Variants in TF observed in about 807,000 individuals in gnomAD.
TF encodes transferrin.
In TF, 55 loss-of-function variants were observed where a neutral mutation model predicts 82.4. The observed-to-expected ratio is 0.67, with a 90% CI of 0.54 to 0.84. The LOEUF (loss-of-function observed/expected upper bound fraction) is 0.84. TF is among the 40% of genes least tolerant of loss of function. The pLI, the probability that TF is intolerant of heterozygous loss-of-function variation, is 0.00. For missense variants in TF, 737 were observed against 868.4 expected, an observed-to-expected ratio of 0.85 and a Z score of 1.90; for synonymous variants, 332 against 332.6, an observed-to-expected ratio of 1.00 and a Z score of 0.02.
chr3:133,758,945 G>A (rs951581446), intron 8 of TF, among the ~76,000 whole-genome samples: 8 of 152,200 alleles, frequency 5.3e-5, no homozygotes, highest in Admixed American at 3.3e-4. Context: ...CCCAGAGGCT[G>A]GAGAGGAAAG....
the TF span, among the ~76,000 whole-genome samples, chr3:133,681,537 C>T: frequency 7.2e-5 from 11 of 152,340 alleles, no homozygotes; most frequent in East Asian, 1.4e-3. Context: ...TAGCAAACGG[C>T]ACACCAGGAG....
At chr3:133,742,668 G>T (rs1481877724), upstream of TF, among the ~76,000 whole-genome samples, 1 of 152,174 alleles carries the variant, frequency 6.6e-6, no homozygotes, top group Non-Finnish European at 1.5e-5. Flanking sequence ...CAGACTTAGA[G>T]AAGTCTCTGG....
chr3:133,753,190 T>A (rs1559869016), intron 2 of TF, among the ~76,000 whole-genome samples: 1 of 152,196 alleles, frequency 6.6e-6, no homozygotes, highest in Non-Finnish European at 1.5e-5. Context: ...CCAAGAGAGC[T>A]GTGTCCTTGA....
At chr3:133,725,540 C>G in the TF span, among the ~76,000 whole-genome samples, 14 of 152,146 alleles carry the variant, frequency 9.2e-5, no homozygotes, top group Admixed American at 8.5e-4. Context: ...TGCTTATCAG[C>G]TTAAGGAGAT....
At chr3:133,724,599 G>A in the TF span, among the ~76,000 whole-genome samples, 1 of 152,076 alleles carries the variant, frequency 6.6e-6, no homozygotes, top group South Asian at 2.1e-4. Context: ...CTCCCATTTT[G>A]TAGGCTGCCT....
chr3:133,768,840 T>G (rs1365123077), intron 13 of TF, among the ~76,000 whole-genome samples: 1 of 142,326 alleles, frequency 7.0e-6, no homozygotes, highest in East Asian at 2.1e-4. Context: ...TTGCCCAGGC[T>G]GGAGTGTAGT....
At chr3:133,664,381 G>A in the TF span, among the ~76,000 whole-genome samples, 1 of 151,988 alleles carries the variant, frequency 6.6e-6, no homozygotes, top group East Asian at 1.9e-4. Flanking sequence ...GAGTGCAGTT[G>A]GCACAATGTC....
At chr3:133,723,178 G>T in the TF span, among the ~76,000 whole-genome samples, 8 of 152,058 alleles carry the variant, frequency 5.3e-5, no homozygotes, top group African/African-American at 9.7e-5. Flanking sequence ...GATGTGACTT[G>T]TCACTCTTCT....
Position 133,775,621 on chromosome 3 carries a change from T to TCTGTTGGGA in TF, c.1872+4_1872+5insCTGTTGGGA, listed in dbSNP as rs1333615038. On this transcript the variant is annotated splice_donor_region_variant and intron_variant, in intron 15 of 16. Coordinates refer to ENST00000402696, the MANE Select transcript of TF (RefSeq NM_001063.4). ...CAAGATATTACGTCAACAGCAGGTA[T>TCTGTTGGGA]GGACCAGCCAGGTCCTCCCACCTTT... The TCTGTTGGGA allele has an allele frequency of 1.2e-6, 2 of 1,613,830 alleles. No individual in the cohort carries two copies. Among genetic ancestry groups the TCTGTTGGGA allele is most frequent in the Non-Finnish European group, 1.7e-6 (2 of 1,179,978 alleles).
At chr3:133,742,921 T>G (rs138787502), upstream of TF, among the ~76,000 whole-genome samples, 215 of 152,372 alleles carry the variant, frequency 1.4e-3, 4 homozygotes, top group East Asian at 0.031. Context: ...AGTTTTGCCC[T>G]GTTTGCGGTG....
At chr3:133,763,087 A>T (rs1307000424) in intron 9 of TF, among the ~76,000 whole-genome samples, 2 of 152,198 alleles carry the variant, frequency 1.3e-5, no homozygotes, top group Non-Finnish European at 2.9e-5. Context: ...TTGTCAGTAT[A>T]AGGAGTTTTC....
At chr3:133,693,569 A>G in the TF span, among the ~76,000 whole-genome samples, 43 of 152,236 alleles carry the variant, frequency 2.8e-4, no homozygotes, top group Admixed American at 7.2e-4. Context: ...AGCTCTGGCC[A>G]TGCTTTGCCC....
Position 133,796,542 on chromosome 3 carries a change from A to G in TF, c.*17922A>G, listed in dbSNP as rs1416259826. ...CCTCTAGAGGGTATTTAAACCCCAGAAAATTCTGTAACCGGGCTATTGAGC... is the reference window on the plus strand; with the variant it reads ...CCTCTAGAGGGTATTTAAACCCCAGGAAATTCTGTAACCGGGCTATTGAGC... On this transcript the variant is annotated 3_prime_UTR_variant, in exon 17 of 17. Coordinates refer to ENST00000402696, the MANE Select transcript of TF (RefSeq NM_001063.4). The G allele has an allele frequency of 1.3e-5, 2 of 152,248 alleles. No homozygotes were observed. Among genetic ancestry groups the G allele is most frequent in the African/African-American group, 4.8e-5 (2 of 41,460 alleles). 9.4% of individuals were successfully genotyped at this position (152,248 alleles called of 1,614,324 possible).
chr3:133,696,843 G>C, the TF span, among the ~76,000 whole-genome samples: 1 of 148,182 alleles, frequency 6.7e-6, no homozygotes, highest in Admixed American at 6.7e-5. Context: ...TCAGAATTTT[G>C]GACAGTTTAC....
At chr3:133,762,884 A>T (rs1934030511) in intron 9 of TF, among the ~76,000 whole-genome samples, 1 of 152,240 alleles carries the variant, frequency 6.6e-6, no homozygotes, top group Admixed American at 6.5e-5. Context: ...CTCAAATCAA[A>T]TAGGAAATTA....
At chr3:133,775,927 C>T (rs1386673907) in intron 15 of TF, among the ~76,000 whole-genome samples, 1 of 152,130 alleles carries the variant, frequency 6.6e-6, no homozygotes, top group Non-Finnish European at 1.5e-5. Context: ...TAAGTGAAGA[C>T]ATGCACCCAA....
In TF at chr3:133,778,913, T is replaced by A; in HGVS notation, c.*293T>A. On this transcript the variant is annotated 3_prime_UTR_variant, in exon 17 of 17. Coordinates refer to ENST00000402696, the MANE Select transcript of TF (RefSeq NM_001063.4). ...GATTCGTCTGGTCTTTCCCTACAGC[T>A]TTGTGTGTGCCATGGCCACATCTCC... is the stretch of plus-strand genomic sequence containing the variant. 2.7e-6 allele frequency: 1 copy of A among 368,420 alleles called. No homozygotes were observed. Among genetic ancestry groups the A allele is most frequent in the Non-Finnish European group, 5.2e-6 (1 of 192,710 alleles). 22.8% of individuals were successfully genotyped at this position (368,420 alleles called of 1,614,324 possible).
At chr3:133,771,743 CAAAAAAAA>C (rs71136494) in intron 14 of TF, among the ~76,000 whole-genome samples, 1 of 56,564 alleles carries the variant, frequency 1.8e-5, no homozygotes, top group Non-Finnish European at 2.9e-5. Context: ...GACTCCGTCT[CAAAAAAAA>C]AAAAAAAAAA....
rs745419103 is a variant in TF, at chr3:133,781,513, C to T, written c.*2893C>T. 2 of 152,072 alleles carry T rather than the reference C, an allele frequency of 1.3e-5. No individual in the cohort carries two copies. The highest frequency in any genetic ancestry group is 2.9e-5 in the Non-Finnish European group (2 of 68,010). 9.4% of individuals were successfully genotyped at this position (152,072 alleles called of 1,614,324 possible). A position where few individuals can be genotyped will look rare whatever the true frequency, so the allele number is the denominator to read the frequency against. ...TAATAAAAGCTACATTTAAACCACA[C>T]TTATCAAAGTAAAAAATAATGTAAA... On this transcript the variant is annotated 3_prime_UTR_variant, in exon 17 of 17. Transcript: ENST00000402696.
Sources: gnomAD v4.1 joint callset for allele counts (sites outside exome capture counted in the v4.1 genomes callset) on GRCh38, gnomAD v4.1.1 for gene constraint, MANE v1.5 for transcripts, NCBI Gene and HGNC (gene_info 2026-07-23, HGNC 2026-07-21) for gene names.